The following AGBL1 variants were observed in gnomAD, a reference collection of about 807,000 sequenced individuals.
AGBL1 encodes the protein cytosolic carboxypeptidase 4.
AGBL1 carries 130 observed loss-of-function variants against 118.9 expected under a neutral mutation model. That is an observed-to-expected ratio of 1.09 (90% CI 0.95 to 1.26). AGBL1 has a LOEUF of 1.26. Among genes scored for constraint, AGBL1 ranks in the 50% most tolerant of loss-of-function variants. AGBL1 has a pLI of 0.00. For missense variants in AGBL1, 1,584 were observed against 1,298.1 expected (o/e 1.22, Z -3.38); for synonymous variants, 555 against 478.9 (o/e 1.16, Z -2.08).
intron 23 of AGBL1, among the ~76,000 whole-genome samples, chr15:86,923,636 A>C (rs2080502567): frequency 6.6e-6 from 1 of 152,228 alleles, no homozygotes; most frequent in Admixed American, 6.5e-5. Flanking sequence ...AATGCTTCAC[A>C]TGTGACTGTC....
chr15:86,965,810 C>T (rs2081045987), intron 23 of AGBL1, among the ~76,000 whole-genome samples: 1 of 151,890 alleles, frequency 6.6e-6, no homozygotes, highest in South Asian at 2.1e-4. Flanking sequence ...ACAATGAGAA[C>T]CCATGGACAC....
intron 6 of AGBL1, among the ~76,000 whole-genome samples, chr15:86,242,267 T>C (rs977139797): frequency 2.6e-5 from 4 of 151,890 alleles, no homozygotes; most frequent in Non-Finnish European, 5.9e-5. Flanking sequence ...AGAGAGCCAT[T>C]GGAATAAAAA....
intron 22 of AGBL1, among the ~76,000 whole-genome samples, chr15:86,851,453 C>T (rs2079405916): frequency 6.6e-6 from 1 of 152,162 alleles, no homozygotes; most frequent in Admixed American, 6.5e-5. Flanking sequence ...TTGCTCTTCC[C>T]TGGGCATTGA....
At chr15:86,893,035 G>A (rs1032690400) in intron 22 of AGBL1, among the ~76,000 whole-genome samples, 2 of 152,146 alleles carry the variant, frequency 1.3e-5, no homozygotes, top group African/African-American at 4.8e-5. Flanking sequence ...AGAATAGCAG[G>A]GTGTGGGCAA....
At chr15:86,595,755 G>A (rs1422521182) in intron 21 of AGBL1, among the ~76,000 whole-genome samples, 2 of 152,118 alleles carry the variant, frequency 1.3e-5, no homozygotes, top group Non-Finnish European at 2.9e-5. Flanking sequence ...ATAGATATGA[G>A]TTTTTTACTC....
At chr15:86,306,852 G>A (rs2079849423) in intron 17 of AGBL1, among the ~76,000 whole-genome samples, 1 of 152,098 alleles carries the variant, frequency 6.6e-6, no homozygotes, top group Non-Finnish European at 1.5e-5. Context: ...TTGGATAAAA[G>A]CCATTTTAAC....
At chr15:86,788,988 G>A (rs2078454194) in intron 22 of AGBL1, among the ~76,000 whole-genome samples, 1 of 152,198 alleles carries the variant, frequency 6.6e-6, no homozygotes, top group African/African-American at 2.4e-5. Flanking sequence ...TCAGGTTAAA[G>A]GCAAGCTTTG....
chr15:86,474,698 G>A (rs1165423613), intron 18 of AGBL1, among the ~76,000 whole-genome samples: 2 of 152,306 alleles, frequency 1.3e-5, no homozygotes, highest in Non-Finnish European at 1.5e-5. Flanking sequence ...AGACTTAAAT[G>A]TCCCTGTCTG....
chr15:86,493,680 G>T (rs1262658070), intron 18 of AGBL1, among the ~76,000 whole-genome samples: 1 of 151,880 alleles, frequency 6.6e-6, no homozygotes, highest in Non-Finnish European at 1.5e-5. Context: ...GTAATGCTGT[G>T]GGTTTTTGCA....
chr15:86,246,163 G>T (rs867272039), intron 6 of AGBL1, among the ~76,000 whole-genome samples: 1 of 152,180 alleles, frequency 6.6e-6, no homozygotes, highest in African/African-American at 2.4e-5. Context: ...GGCATTACAG[G>T]TGTGAGCCAC....
At chr15:87,024,242 T>G (rs999817602) in intron 24 of AGBL1, among the ~76,000 whole-genome samples, 2 of 151,786 alleles carry the variant, frequency 1.3e-5, no homozygotes, top group Non-Finnish European at 2.9e-5. Context: ...ATTAGCAAGA[T>G]TAACCAAGAA....
intron 17 of AGBL1, among the ~76,000 whole-genome samples, chr15:86,382,745 A>C (rs2081129339): frequency 6.6e-6 from 1 of 151,966 alleles, no homozygotes; most frequent in Non-Finnish European, 1.5e-5. Context: ...TCCTACCAGA[A>C]ACCAGCAGCT....
At chr15:86,825,147 C>G (rs183115655) in intron 22 of AGBL1, among the ~76,000 whole-genome samples, 3 of 151,818 alleles carry the variant, frequency 2.0e-5, no homozygotes, top group Non-Finnish European at 4.4e-5. Flanking sequence ...GTTGCAAAAG[C>G]AGTTGAAGGG....
rs550641617 is a variant in AGBL1, at chr15:86,232,030, C to G, written c.526+7079C>G. ...GGTCTCTGCTGCCCTGAGGCCGAGC[C>G]TCAGGCCGGCCGATGAATGGTGGGG... On this transcript the variant is annotated intron_variant, in intron 6 of 22. Coordinates refer to ENST00000614907, the MANE Select transcript of AGBL1 (RefSeq NM_001386094.1). Among the ~76,000 whole-genome samples the G allele has an allele frequency of 1.1e-4, 16 of 152,280 alleles. No individual in the cohort carries two copies. The East Asian group carries it at 2.5e-3, about 24-fold the overall frequency.
chr15:86,831,530 A>G (rs184022164), intron 22 of AGBL1, among the ~76,000 whole-genome samples: 1 of 152,318 alleles, frequency 6.6e-6, no homozygotes, highest in East Asian at 1.9e-4. Context: ...CAATTCTGAA[A>G]TCCGGAAGGC....
chr15:86,301,693 T>TGA lies in AGBL1; in HGVS notation c.2374+6286_2374+6287dup, dbSNP rs1555463434. On this transcript the variant is annotated intron_variant, in intron 17 of 22. Transcript: ENST00000614907. Reference sequence around the variant, plus strand: ...GTGTGTGTGTGTGTGTGTGTGTGTGTGATGTCAAACGGGTCATTATAATAC... The same window carrying TGA: ...GTGTGTGTGTGTGTGTGTGTGTGTGTGAGATGTCAAACGGGTCATTATAATAC... 7.2e-4 allele frequency among the ~76,000 whole-genome samples: 101 copies of TGA among 139,394 alleles called. 1 individual carries two copies. The highest frequency in any genetic ancestry group is 2.5e-3 in the African/African-American group (97 of 38,478). 91.4% of individuals were successfully genotyped at this position (139,394 alleles called of 152,430 possible).
At chr15:86,161,968 C>G (rs2077272474) in intron 5 of AGBL1, among the ~76,000 whole-genome samples, 1 of 152,210 alleles carries the variant, frequency 6.6e-6, no homozygotes, top group East Asian at 1.9e-4. Context: ...TGTGCTTTGA[C>G]ATGCTATGAC....
At chr15:86,735,462 G>A (rs2077578847) in intron 22 of AGBL1, among the ~76,000 whole-genome samples, 2 of 151,770 alleles carry the variant, frequency 1.3e-5, no homozygotes, top group Admixed American at 1.3e-4. Flanking sequence ...AGATTTCAAA[G>A]GAAAATGCAC....
At chr15:86,405,009 A>G (rs2081503520) in intron 18 of AGBL1, among the ~76,000 whole-genome samples, 2 of 152,202 alleles carry the variant, frequency 1.3e-5, no homozygotes, top group African/African-American at 4.8e-5. Context: ...AGGTCTAACC[A>G]GGGGGTCCCC....
Sources: allele counts gnomAD v4.1 joint callset (sites outside exome capture counted in the v4.1 genomes callset), GRCh38; gene constraint gnomAD v4.1.1; transcripts MANE v1.5; gene names NCBI Gene and HGNC (gene_info 2026-07-23, HGNC 2026-07-21).